Variants in CDH12 observed in about 807,000 individuals in gnomAD.
CDH12 encodes the protein cadherin-12.
CDH12 carries 41 observed loss-of-function variants against 74.1 expected under a neutral mutation model. That is an observed-to-expected ratio of 0.55 (90% CI 0.43 to 0.72). The LOEUF is 0.72. Among genes scored for constraint, CDH12 ranks in the 30% least tolerant of loss-of-function variants. The probability of loss-of-function intolerance (pLI) is 0.00; values close to 1 mark genes in which losing one functional copy is unlikely to be tolerated. For synonymous variants in CDH12, 399 were observed against 355.0 expected, an observed-to-expected ratio of 1.12 and a Z score of -1.39; for missense variants, 945 against 977.2, an observed-to-expected ratio of 0.97 and a Z score of 0.44.
At chr5:22,142,221 T>G (rs991444167) in intron 4 of CDH12, 2 of 170,508 alleles carry the variant, frequency 1.2e-5, no homozygotes, top group African/African-American at 4.8e-5. Flanking sequence ...TTGGGACTTA[T>G]CAAAATAGAA....
intron 6 of CDH12, among the ~76,000 whole-genome samples, chr5:21,879,938 G>A (rs373083148): frequency 6.6e-6 from 1 of 152,184 alleles, no homozygotes. Flanking sequence ...TTAGAGAATG[G>A]CAGTTTTGCC....
intron 6 of CDH12, among the ~76,000 whole-genome samples, chr5:21,879,481 A>T (rs1281105341): frequency 6.6e-6 from 1 of 152,186 alleles, no homozygotes; most frequent in Admixed American, 6.5e-5. Context: ...GCTACTTTAA[A>T]GTGTGTATTT....
At chr5:22,397,768 T>C (rs867954377) in intron 3 of CDH12, among the ~76,000 whole-genome samples, 1 of 152,086 alleles carries the variant, frequency 6.6e-6, no homozygotes, top group Non-Finnish European at 1.5e-5. Context: ...TTTTGACATA[T>C]GGTCCTTAAA....
At chr5:22,713,984 T>G (rs1480720118) in intron 1 of CDH12, among the ~76,000 whole-genome samples, 1 of 152,216 alleles carries the variant, frequency 6.6e-6, no homozygotes, top group African/African-American at 2.4e-5. Context: ...CCAAATTACC[T>G]TGTTGTCCTT....
At chr5:22,136,443 T>C (rs895392388) in intron 4 of CDH12, among the ~76,000 whole-genome samples, 4 of 151,976 alleles carry the variant, frequency 2.6e-5, no homozygotes, top group Non-Finnish European at 4.4e-5. Flanking sequence ...CATTCTAACA[T>C]GGGGTAGCGT....
intron 3 of CDH12, among the ~76,000 whole-genome samples, chr5:22,306,849 T>G (rs983337533): frequency 1.3e-5 from 2 of 152,206 alleles, no homozygotes; most frequent in Non-Finnish European, 2.9e-5. Flanking sequence ...TGCCTCTACA[T>G]TAAAGATCTT....
chr5:22,530,908 A>G (rs574681638), intron 1 of CDH12, among the ~76,000 whole-genome samples: 2 of 152,256 alleles, frequency 1.3e-5, no homozygotes, highest in Non-Finnish European at 2.9e-5. Flanking sequence ...CAGAACTTAC[A>G]TATTTCCTCA....
At chr5:22,589,765 C>G (rs939128730) in intron 1 of CDH12, among the ~76,000 whole-genome samples, 1 of 152,126 alleles carries the variant, frequency 6.6e-6, no homozygotes, top group Non-Finnish European at 1.5e-5. Flanking sequence ...GTTCTCAGTT[C>G]TTTTTTCCTT....
chr5:22,714,387 G>C (rs1200198417), intron 1 of CDH12, among the ~76,000 whole-genome samples: 2 of 152,128 alleles, frequency 1.3e-5, no homozygotes, highest in African/African-American at 4.8e-5. Context: ...CTGCTCCATG[G>C]AGCTAGTATA....
chr5:21,929,448 G>C (rs773368608), intron 6 of CDH12, among the ~76,000 whole-genome samples: 1 of 151,724 alleles, frequency 6.6e-6, no homozygotes, highest in Non-Finnish European at 1.5e-5. Context: ...TCCCTGGCAT[G>C]CTCAGTCCAC....
chr5:22,766,545 A>G (rs1746524565), intron 1 of CDH12, among the ~76,000 whole-genome samples: 3 of 152,120 alleles, frequency 2.0e-5, no homozygotes, highest in African/African-American at 7.2e-5. Flanking sequence ...ACAGTACTTT[A>G]GAAGTACATT....
At chr5:22,460,107 A>G (rs564877564) in intron 2 of CDH12, among the ~76,000 whole-genome samples, 8 of 152,388 alleles carry the variant, frequency 5.2e-5, no homozygotes, top group Admixed American at 5.2e-4. Context: ...ATGCAAAACT[A>G]GAAAATATAA....
intron 5 of CDH12, among the ~76,000 whole-genome samples, chr5:22,037,457 T>G (rs1266035584): frequency 2.6e-5 from 4 of 152,164 alleles, no homozygotes; most frequent in Non-Finnish European, 5.9e-5. Flanking sequence ...CAACCCTTGT[T>G]TCCCTGAAAA....
chr5:22,392,774 T>G (rs1386824172), intron 3 of CDH12, among the ~76,000 whole-genome samples: 1 of 152,158 alleles, frequency 6.6e-6, no homozygotes, highest in Non-Finnish European at 1.5e-5. Flanking sequence ...CTACAGAAGA[T>G]GTGATGCCGA....
chr5:22,039,518 C>A (rs550468758), intron 5 of CDH12, among the ~76,000 whole-genome samples: 5 of 152,118 alleles, frequency 3.3e-5, no homozygotes, highest in Non-Finnish European at 5.9e-5. Context: ...GTACCTAATG[C>A]CACTGCAATT....
intron 1 of CDH12, among the ~76,000 whole-genome samples, chr5:22,648,983 A>T (rs1739585295): frequency 6.6e-6 from 1 of 151,692 alleles, no homozygotes; most frequent in African/African-American, 2.4e-5. Context: ...AAGAAATGCT[A>T]ATTATGAATA....
At chr5:21,889,108 C>T (rs115351522) in intron 6 of CDH12, among the ~76,000 whole-genome samples, 1,534 of 151,936 alleles carry the variant, frequency 0.01, 20 homozygotes, top group South Asian at 0.049. Flanking sequence ...ATCCAGAAAA[C>T]GTAAGATCAA....
chr5:22,422,936 T>C (rs990484391), intron 2 of CDH12, among the ~76,000 whole-genome samples: 1 of 152,164 alleles, frequency 6.6e-6, no homozygotes, highest in Non-Finnish European at 1.5e-5. Context: ...ATGTAGCAAA[T>C]GTTCTTTATG....
chr5:22,693,920 T>TA (rs535026073), intron 1 of CDH12, among the ~76,000 whole-genome samples: 1,798 of 151,684 alleles, frequency 0.012, 15 homozygotes, highest in Middle Eastern at 0.02. Context: ...TTCATCAATT[T>TA]AAAAAAAAAA....
Sources: gnomAD v4.1 joint callset for allele counts (sites outside exome capture counted in the v4.1 genomes callset) on GRCh38, gnomAD v4.1.1 for gene constraint, MANE v1.5 for transcripts, NCBI Gene and HGNC (gene_info 2026-07-23, HGNC 2026-07-21) for gene names.